AUTS2: variants seen among roughly 807,000 people sequenced by gnomAD.
AUTS2 encodes the protein activator of transcription and developmental regulator AUTS2.
In AUTS2, 17 loss-of-function variants were observed where a neutral mutation model predicts 112.4. That is an observed-to-expected ratio of 0.15 (90% CI 0.10 to 0.23). The LOEUF (loss-of-function observed/expected upper bound fraction) is 0.23, where lower values mean the gene tolerates loss of function less well. AUTS2 is among the 10% of genes least tolerant of loss of function. The pLI, the probability that AUTS2 is intolerant of heterozygous loss-of-function variation, is 1.00. For missense variants in AUTS2, 1,510 were observed against 1,701.6 expected, an observed-to-expected ratio of 0.89 and a Z score of 1.98; for synonymous variants, 751 against 702.7, an observed-to-expected ratio of 1.07 and a Z score of -1.09.
At chr7:70,515,800 C>CT (rs1285083072) in intron 5 of AUTS2, among the ~76,000 whole-genome samples, 1 of 152,082 alleles carries the variant, frequency 6.6e-6, no homozygotes, top group Non-Finnish European at 1.5e-5. Flanking sequence ...GTCTAGGTTA[C>CT]ATTTTGAAAA....
chr7:69,911,842 C>T (rs1006773889), intron 2 of AUTS2, among the ~76,000 whole-genome samples: 23 of 152,142 alleles, frequency 1.5e-4, no homozygotes, highest in Admixed American at 7.9e-4. Context: ...TCACTCTGGG[C>T]GGCAGACTCC....
intron 4 of AUTS2, among the ~76,000 whole-genome samples, chr7:70,143,641 A>C (rs1352390656): frequency 6.6e-6 from 1 of 152,176 alleles, no homozygotes; most frequent in Non-Finnish European, 1.5e-5. Context: ...AGGATGAATA[A>C]AAACAAACAA....
intron 1 of AUTS2, among the ~76,000 whole-genome samples, chr7:69,735,815 C>T (rs1401608723): frequency 6.6e-6 from 1 of 152,198 alleles, no homozygotes; most frequent in African/African-American, 2.4e-5. Flanking sequence ...AGGGGACTAG[C>T]ACAGAGGGCA....
intron 4 of AUTS2, among the ~76,000 whole-genome samples, chr7:70,414,783 G>A (rs1211991010): frequency 6.6e-6 from 1 of 152,172 alleles, no homozygotes; most frequent in Non-Finnish European, 1.5e-5. Context: ...GGGAAAAAAT[G>A]TATAGCTTAG....
intron 6 of AUTS2, among the ~76,000 whole-genome samples, chr7:70,732,596 G>A (rs528433672): frequency 3.9e-5 from 6 of 152,092 alleles, no homozygotes; most frequent in Admixed American, 6.6e-5. Context: ...TCTCCTTATC[G>A]TTTTGACTCT....
chr7:70,393,566 C>T (rs1413121267), intron 4 of AUTS2, among the ~76,000 whole-genome samples: 1 of 152,134 alleles, frequency 6.6e-6, no homozygotes, highest in African/African-American at 2.4e-5. Flanking sequence ...TAGTCTGTGT[C>T]TCACAAGCAC....
At chr7:69,805,753 C>G (rs1025031666) in intron 1 of AUTS2, among the ~76,000 whole-genome samples, 1 of 152,110 alleles carries the variant, frequency 6.6e-6, no homozygotes, top group Non-Finnish European at 1.5e-5. Flanking sequence ...CTTTATTTCT[C>G]TATGAAGATG....
At chr7:69,656,716 A>G (rs1313448611) in intron 1 of AUTS2, among the ~76,000 whole-genome samples, 1 of 152,228 alleles carries the variant, frequency 6.6e-6, no homozygotes, top group African/African-American at 2.4e-5. Context: ...TGTATTTTCA[A>G]GTGGCAGAAC....
At chr7:69,602,656 A>G (rs958166867) in intron 1 of AUTS2, among the ~76,000 whole-genome samples, 5 of 152,242 alleles carry the variant, frequency 3.3e-5, no homozygotes, top group African/African-American at 1.2e-4. Context: ...CCCGCACAGC[A>G]GTATTATCAC....
chr7:70,572,533 A>C (rs1157432953), intron 5 of AUTS2, among the ~76,000 whole-genome samples: 1 of 152,166 alleles, frequency 6.6e-6, no homozygotes, highest in Non-Finnish European at 1.5e-5. Flanking sequence ...TCTTAGACAT[A>C]ATAAAGCATT....
chr7:70,584,624 A>G (rs1038795613), intron 5 of AUTS2, among the ~76,000 whole-genome samples: 1 of 152,266 alleles, frequency 6.6e-6, no homozygotes, highest in African/African-American at 2.4e-5. Context: ...CTGCCAGCGA[A>G]CTTGAGCCAG....
At chr7:69,897,514 A>C (rs950988594) in intron 1 of AUTS2, among the ~76,000 whole-genome samples, 7 of 151,130 alleles carry the variant, frequency 4.6e-5, no homozygotes, top group Non-Finnish European at 7.4e-5. Flanking sequence ...TTCCACCCTC[A>C]TGATCCAGTC....
chr7:69,851,155 T>C (rs1288580018), intron 1 of AUTS2, among the ~76,000 whole-genome samples: 2 of 152,226 alleles, frequency 1.3e-5, no homozygotes, highest in East Asian at 3.8e-4. Context: ...CAGTTGGCCA[T>C]AGTTTTGTGG....
intron 1 of AUTS2, among the ~76,000 whole-genome samples, chr7:69,613,982 C>A (rs1408372694): frequency 1.3e-5 from 2 of 152,106 alleles, no homozygotes; most frequent in Non-Finnish European, 2.9e-5. Flanking sequence ...CCCATTCCAC[C>A]CTGTTAAGGT....
chr7:70,096,469 G>A (rs1189833912), intron 2 of AUTS2, among the ~76,000 whole-genome samples: 2 of 151,536 alleles, frequency 1.3e-5, no homozygotes, highest in African/African-American at 4.8e-5. Context: ...ATGGTGGCGG[G>A]CGCCTGTAAT....
At chr7:69,876,695 T>G (rs1793819973) in intron 1 of AUTS2, among the ~76,000 whole-genome samples, 2 of 151,258 alleles carry the variant, frequency 1.3e-5, no homozygotes, top group Non-Finnish European at 2.9e-5. Flanking sequence ...GCCACCTGAT[T>G]GATCTGGAAT....
At chr7:70,257,987 T>C (rs531533048) in intron 4 of AUTS2, among the ~76,000 whole-genome samples, 5 of 152,316 alleles carry the variant, frequency 3.3e-5, no homozygotes, top group Non-Finnish European at 7.4e-5. Context: ...GTGGCACAGT[T>C]GTGGCTCTGC....
intron 2 of AUTS2, among the ~76,000 whole-genome samples, chr7:70,033,980 G>A (rs1017404590): frequency 2.6e-5 from 4 of 152,064 alleles, no homozygotes; most frequent in African/African-American, 9.7e-5. Context: ...CCCAGCATAA[G>A]GAAATGATAA....
At chr7:70,484,474 G>A (rs1179872405) in intron 5 of AUTS2, among the ~76,000 whole-genome samples, 1 of 152,150 alleles carries the variant, frequency 6.6e-6, no homozygotes. Flanking sequence ...GAGGTGGTTG[G>A]GGTTAGCCCC....
Sources: gnomAD v4.1 joint callset for allele counts (sites outside exome capture counted in the v4.1 genomes callset) on GRCh38, gnomAD v4.1.1 for gene constraint, MANE v1.5 for transcripts, NCBI Gene and HGNC (gene_info 2026-07-23, HGNC 2026-07-21) for gene names.